Variants in LMNB1 observed in about 807,000 individuals in gnomAD.
LMNB1 encodes lamin B1, also known as lamin-B1.
In LMNB1, 23 loss-of-function variants were observed where a neutral mutation model predicts 67.1. That is an observed-to-expected ratio of 0.34 (90% CI 0.25 to 0.49). LMNB1 has a LOEUF of 0.49. Among genes scored for constraint, LMNB1 ranks in the 20% least tolerant of loss-of-function variants. The pLI is 0.99. For synonymous variants in LMNB1, 281 were observed against 282.9 expected, an observed-to-expected ratio of 0.99 and a Z score of 0.07; for missense variants, 634 against 746.5, an observed-to-expected ratio of 0.85 and a Z score of 1.76.
intron 1 of LMNB1, among the ~76,000 whole-genome samples, chr5:126,797,077 C>G (rs1042253316): frequency 6.6e-6 from 1 of 152,210 alleles, no homozygotes; most frequent in African/African-American, 2.4e-5. Context: ...GAGTGAGCCA[C>G]TGCACCCAGC....
intron 1 of LMNB1, among the ~76,000 whole-genome samples, chr5:126,795,933 C>CTTTTTTTTTT (rs70997314): frequency 0.07 from 5,724 of 81,796 alleles, 998 homozygotes; most frequent in Non-Finnish European, 0.086. Flanking sequence ...GCCCAGGATG[C>CTTTTTTTTTT]TTTTTTTTTT....
In LMNB1 at chr5:126,777,241, G is replaced by C. The variant is rs1750479469; in HGVS notation, c.-268G>C. 1 of 338,028 alleles carries C rather than the reference G, an allele frequency of 3.0e-6. No individual in the cohort carries two copies. 20.9% of individuals were successfully genotyped at this position (338,028 alleles called of 1,614,324 possible). On this transcript the variant is annotated 5_prime_UTR_variant, in exon 1 of 11. Transcript: ENST00000261366. ...CCTCGTCTTGCATTTTCCCGCGTGC[G>C]TGTGTGAGTGGGTGTGTGTGTTTTC...
In LMNB1 at chr5:126,826,277, G is replaced by A. The variant is rs116345650; in HGVS notation, c.1611+170G>A. On this transcript the variant is annotated intron_variant, in intron 9 of 10. Coordinates refer to ENST00000261366, the MANE Select transcript of LMNB1 (RefSeq NM_005573.4). Reference sequence around the variant, plus strand: ...TTAAGTTTTAGGAATAAATAGGAGTGTATTATAGAGTACTGATTATTAGCA... The same window carrying A: ...TTAAGTTTTAGGAATAAATAGGAGTATATTATAGAGTACTGATTATTAGCA... Among the ~76,000 whole-genome samples, 1,419 of 152,340 alleles carry A rather than the reference G, an allele frequency of 9.3e-3. 26 individuals are homozygous for A. Among genetic ancestry groups the A allele is most frequent in the African/African-American group, 0.033 (1,359 of 41,564 alleles).
intron 6 of LMNB1, among the ~76,000 whole-genome samples, chr5:126,819,481 T>A (rs945050372): frequency 7.6e-4 from 114 of 150,458 alleles, no homozygotes; most frequent in Non-Finnish European, 1.3e-3. Flanking sequence ...TTTATTTATT[T>A]ATTTATTTAT....
chr5:126,804,687 C>A (rs1239502792), intron 1 of LMNB1, 89 bp from the exon 2 acceptor site: 2 of 1,217,578 alleles, frequency 1.6e-6, no homozygotes, highest in African/African-American at 1.5e-5. Flanking sequence ...ATTTAAACTA[C>A]TTCTTTTGTT....
intron 9 of LMNB1, among the ~76,000 whole-genome samples, chr5:126,832,011 A>G (rs1752146623): frequency 6.6e-6 from 1 of 152,184 alleles, no homozygotes; most frequent in Non-Finnish European, 1.5e-5. Context: ...CATGCCTGTA[A>G]TCCCAGCACT....
rs1408970299 is a variant in LMNB1, at chr5:126,777,245, G to T, written c.-264G>T. The T allele has an allele frequency of 5.8e-6, 2 of 344,846 alleles. No individual in the cohort carries two copies. Among genetic ancestry groups the T allele is most frequent in the Admixed American group, 4.8e-5 (1 of 20,730 alleles). The allele number at this position is 344,846 out of a possible 1,614,324, so 21.4% of individuals were successfully genotyped here. On this transcript the variant is annotated 5_prime_UTR_variant, in exon 1 of 11. Transcript: ENST00000261366. Reference sequence around the variant, plus strand: ...GTCTTGCATTTTCCCGCGTGCGTGTGTGAGTGGGTGTGTGTGTTTTCTTAC... The same window carrying T: ...GTCTTGCATTTTCCCGCGTGCGTGTTTGAGTGGGTGTGTGTGTTTTCTTAC...
At chr5:126,789,460 G>T (rs116599652) in intron 1 of LMNB1, among the ~76,000 whole-genome samples, 1 of 152,066 alleles carries the variant, frequency 6.6e-6, no homozygotes, top group Non-Finnish European at 1.5e-5. Context: ...GTGACAGCTC[G>T]CATAAATGGA....
At chr5:126,804,366 C>T (rs189402055) in intron 1 of LMNB1, among the ~76,000 whole-genome samples, 2 of 151,852 alleles carry the variant, frequency 1.3e-5, no homozygotes, top group East Asian at 3.9e-4. Context: ...ACGTAAGCCA[C>T]TGCGCTCAGC....
At chr5:126,823,033 G>A (rs1180427159) in intron 8 of LMNB1, 148 bp downstream of exon 8, 3 of 620,732 alleles carry the variant, frequency 4.8e-6, no homozygotes, top group Non-Finnish European at 8.5e-6. Context: ...TGCTATAAAA[G>A]ATTTTTAAAA....
chr5:126,787,843 A>T (rs1750849194), intron 1 of LMNB1, among the ~76,000 whole-genome samples: 1 of 151,684 alleles, frequency 6.6e-6, no homozygotes, highest in Non-Finnish European at 1.5e-5. Flanking sequence ...GAGCCACTGC[A>T]CCTGGCCTAC....
At chr5:126,822,605 C>T (rs779062091) in intron 7 of LMNB1, among the ~76,000 whole-genome samples, 176 bp from the exon 8 acceptor site, 1 of 152,232 alleles carries the variant, frequency 6.6e-6, no homozygotes, top group Non-Finnish European at 1.5e-5. Context: ...GTTGAAGTTA[C>T]TGTTTGACAA....
chr5:126,801,212 A>G (rs1349570262), intron 1 of LMNB1, among the ~76,000 whole-genome samples: 1 of 151,268 alleles, frequency 6.6e-6, no homozygotes, highest in Non-Finnish European at 1.5e-5. Context: ...CTCCCTTCCA[A>G]AGTGCTGGGA....
chr5:126,817,105 G>A (rs1453023702), intron 5 of LMNB1, among the ~76,000 whole-genome samples: 9 of 152,122 alleles, frequency 5.9e-5, no homozygotes, highest in South Asian at 2.1e-4. Flanking sequence ...GTTTGTGTCC[G>A]TATGGACCAT....
At chr5:126,800,981 A>ATATATAT (rs1554113727) in intron 1 of LMNB1, among the ~76,000 whole-genome samples, 38 of 27,988 alleles carry the variant, frequency 1.4e-3, no homozygotes, top group East Asian at 4.0e-3. Flanking sequence ...ATATATATAT[A>ATATATAT]ATTTTTTTTT....
At chr5:126,820,845 T>G (rs1580551433) in intron 6 of LMNB1, 65 bp from the exon 7 acceptor site, 2 of 1,305,434 alleles carry the variant, frequency 1.5e-6, no homozygotes, top group South Asian at 1.3e-5. Flanking sequence ...TTTTGTTTTT[T>G]TTTTTTTTAA....
At chr5:126,824,652 C>T (rs112433677) in intron 8 of LMNB1, among the ~76,000 whole-genome samples, 1 of 152,320 alleles carries the variant, frequency 6.6e-6, no homozygotes, top group South Asian at 2.1e-4. Context: ...TAGGGAAACA[C>T]TAACATTCCA....
At chr5:126,824,839 ACCCCACCC>A (rs1751956455) in intron 8 of LMNB1, among the ~76,000 whole-genome samples, 2 of 116,938 alleles carry the variant, frequency 1.7e-5, no homozygotes, top group Admixed American at 9.3e-5. Context: ...TCCTGTTTCC[ACCCCACCC>A]CCCCACCCTT....
chr5:126,820,026 T>A (rs949370893), intron 6 of LMNB1, among the ~76,000 whole-genome samples: 6 of 151,984 alleles, frequency 3.9e-5, no homozygotes, highest in Non-Finnish European at 7.4e-5. Flanking sequence ...GCACCTGTAA[T>A]CCCAGCTACT....
Sources: allele counts gnomAD v4.1 joint callset (sites outside exome capture counted in the v4.1 genomes callset), GRCh38; gene constraint gnomAD v4.1.1; transcripts MANE v1.5; gene names NCBI Gene and HGNC (gene_info 2026-07-23, HGNC 2026-07-21).